Variants in DLG2 observed in about 807,000 individuals in gnomAD.
DLG2 encodes discs large MAGUK scaffold protein 2.
Under a neutral mutation model 132.5 loss-of-function variants are expected in DLG2, and 45 were observed. The ratio of observed to expected loss-of-function variants is 0.34; its 90% CI spans 0.27 to 0.44. The LOEUF (loss-of-function observed/expected upper bound fraction) is 0.44. Ranked by LOEUF, DLG2 falls within the 20% of genes least tolerant of loss-of-function variation. DLG2 has a pLI of 1.00. For synonymous variants in DLG2, 424 were observed against 419.6 expected (o/e 1.01, Z -0.13); for missense variants, 1,045 against 1,196.9 (o/e 0.87, Z 1.87).
intron 19 of DLG2, among the ~76,000 whole-genome samples, chr11:83,623,261 A>T (rs1427324696): frequency 1.3e-5 from 2 of 152,180 alleles, no homozygotes; most frequent in Admixed American, 1.3e-4. Flanking sequence ...TTGAAAATTT[A>T]ATCTGAGATG....
At chr11:84,104,732 A>G (rs749487849) in intron 9 of DLG2, among the ~76,000 whole-genome samples, 1 of 152,090 alleles carries the variant, frequency 6.6e-6, no homozygotes, top group Non-Finnish European at 1.5e-5. Context: ...ACTTTAATTA[A>G]TAATAGTAAA....
chr11:83,861,328 CA>C (rs1459734450), intron 16 of DLG2, among the ~76,000 whole-genome samples: 1 of 152,076 alleles, frequency 6.6e-6, no homozygotes, highest in Non-Finnish European at 1.5e-5. Flanking sequence ...GGATGTTCCT[CA>C]AAAAACTAAA....
At chr11:83,790,463 A>G in intron 17 of DLG2, 1 of 1,193,774 alleles carries the variant, frequency 8.4e-7, no homozygotes, top group Non-Finnish European at 1.2e-6. Flanking sequence ...GCTCCTCTGT[A>G]AGGCTTGTCA....
At chr11:85,417,877 C>CA (rs2089994949) in intron 3 of DLG2, among the ~76,000 whole-genome samples, 1 of 151,288 alleles carries the variant, frequency 6.6e-6, no homozygotes, top group African/African-American at 2.4e-5. Context: ...TTTTGTTGAA[C>CA]AAAAAAACAG....
rs1450467580 is a variant in DLG2 at position 84,350,179 on chromosome 11, C to T, written c.520-98888G>A. 3.6e-3 allele frequency among the ~76,000 whole-genome samples: 520 copies of T among 143,614 alleles called. 10 individuals carry two copies. Among genetic ancestry groups the T allele is most frequent in the African/African-American group, 0.012 (469 of 38,154 alleles). 94.2% of individuals were successfully genotyped at this position (143,614 alleles called of 152,430 possible). A position where few individuals can be genotyped will look rare whatever the true frequency, so the allele number is the denominator to read the frequency against. ...GGCGACAGAGAGAGACTTCGTCCCCCCCCCCAAAAAAAAAAAAAAAAAATC... is the reference window on the plus strand; with the variant it reads ...GGCGACAGAGAGAGACTTCGTCCCCTCCCCCAAAAAAAAAAAAAAAAAATC... On this transcript the variant is annotated intron_variant, in intron 7 of 27. Coordinates refer to ENST00000376104, the MANE Select transcript of DLG2 (RefSeq NM_001142699.3).
At chr11:84,928,755 A>C (rs2047699455) in intron 6 of DLG2, among the ~76,000 whole-genome samples, 1 of 151,566 alleles carries the variant, frequency 6.6e-6, no homozygotes, top group Admixed American at 6.6e-5. Context: ...AATAATACCC[A>C]ATTTACAAAT....
At chr11:85,089,598 C>G (rs1199412081) in intron 6 of DLG2, among the ~76,000 whole-genome samples, 2 of 152,106 alleles carry the variant, frequency 1.3e-5, no homozygotes, top group African/African-American at 4.8e-5. Flanking sequence ...CATACAAATG[C>G]ATGTGTCTTT....
rs561480695 is a variant in DLG2 at position 85,426,459 on chromosome 11, T to C, written c.41-141094A>G. 1.2e-4 allele frequency among the ~76,000 whole-genome samples: 19 copies of C among 152,284 alleles called. No homozygotes were observed. The South Asian group carries it at 3.9e-3, about 32-fold the overall frequency. The stretch of plus-strand genomic sequence containing the variant: ...AGAGGAACGATCAGGCAGCAACATC[T>C]GCTGTTCACCAGTATCCGCTGTTCT... On this transcript the variant is annotated intron_variant, in intron 3 of 27. Coordinates refer to ENST00000376104, the MANE Select transcript of DLG2 (RefSeq NM_001142699.3).
chr11:84,302,562 AC>A (rs1183414586), intron 7 of DLG2, among the ~76,000 whole-genome samples: 1 of 152,232 alleles, frequency 6.6e-6, no homozygotes, highest in Non-Finnish European at 1.5e-5. Context: ...AGATACATAT[AC>A]AGAGACAGAT....
chr11:83,846,130 A>G (rs2058565689), intron 16 of DLG2, among the ~76,000 whole-genome samples: 1 of 152,232 alleles, frequency 6.6e-6, no homozygotes, highest in African/African-American at 2.4e-5. Flanking sequence ...TCTGAACTAG[A>G]TCTTGACAGA....
At chr11:83,734,388 C>CTTCCTTCT in intron 18 of DLG2, among the ~76,000 whole-genome samples, 1 of 145,496 alleles carries the variant, frequency 6.9e-6, no homozygotes, top group South Asian at 2.2e-4. Flanking sequence ...TCCTTCCTTC[C>CTTCCTTCT]TTCCTTCCTT....
intron 15 of DLG2, among the ~76,000 whole-genome samples, chr11:83,881,066 C>A (rs1170190097): frequency 6.6e-6 from 1 of 151,700 alleles, no homozygotes; most frequent in Non-Finnish European, 1.5e-5. Flanking sequence ...TGATAAAAAC[C>A]GTGATTACTT....
intron 6 of DLG2, among the ~76,000 whole-genome samples, chr11:85,008,629 A>G (rs1312967927): frequency 1.3e-5 from 2 of 152,124 alleles, no homozygotes; most frequent in East Asian, 3.8e-4. Flanking sequence ...GAATGAAACT[A>G]TGGACACTAT....
chr11:85,035,696 G>T (rs2061381197), intron 6 of DLG2, among the ~76,000 whole-genome samples: 1 of 152,090 alleles, frequency 6.6e-6, no homozygotes. Context: ...ACTATCTTTA[G>T]TAATTTACAT....
intron 7 of DLG2, among the ~76,000 whole-genome samples, chr11:84,502,458 C>G (rs538592151): frequency 6.8e-6 from 1 of 147,374 alleles, no homozygotes; most frequent in Non-Finnish European, 1.5e-5. Context: ...TGCAGTGTCT[C>G]AATCTCGGCT....
chr11:85,283,327 A>C (rs1242845342), intron 4 of DLG2, among the ~76,000 whole-genome samples: 3 of 151,934 alleles, frequency 2.0e-5, no homozygotes, highest in Non-Finnish European at 4.4e-5. Context: ...GCCTAGAAAA[A>C]AATACAGGAG....
At chr11:83,815,832 A>G (rs912416018) in intron 17 of DLG2, among the ~76,000 whole-genome samples, 1 of 152,182 alleles carries the variant, frequency 6.6e-6, no homozygotes, top group Non-Finnish European at 1.5e-5. Flanking sequence ...AGCAGTAAAA[A>G]GGCTTCTTCT....
chr11:83,836,314 T>G (rs1439368347), intron 16 of DLG2, among the ~76,000 whole-genome samples: 3 of 152,198 alleles, frequency 2.0e-5, no homozygotes, highest in Non-Finnish European at 4.4e-5. Flanking sequence ...ACCAAATAGC[T>G]GGACACTCAA....
intron 6 of DLG2, among the ~76,000 whole-genome samples, chr11:84,613,692 G>A (rs1473362181): frequency 1.3e-5 from 2 of 152,146 alleles, no homozygotes; most frequent in Admixed American, 6.6e-5. Flanking sequence ...AGGATGAGAT[G>A]AGAAGGATAC....
Sources: allele counts gnomAD v4.1 joint callset (sites outside exome capture counted in the v4.1 genomes callset), GRCh38; gene constraint gnomAD v4.1.1; transcripts MANE v1.5; gene names NCBI Gene and HGNC (gene_info 2026-07-23, HGNC 2026-07-21).